Variants in MLLT3 observed in about 807,000 individuals in gnomAD.
The protein encoded by MLLT3 is protein AF-9.
A neutral mutation model predicts 53.2 loss-of-function variants in MLLT3; 4 were observed. That is an observed-to-expected ratio of 0.08 (90% CI 0.04 to 0.17). The LOEUF (loss-of-function observed/expected upper bound fraction) is 0.17, where lower values mean the gene tolerates loss of function less well. Among genes scored for constraint, MLLT3 ranks in the 10% least tolerant of loss-of-function variants. MLLT3 has a pLI of 1.00. For synonymous variants in MLLT3, 283 were observed against 230.6 expected (o/e 1.23, Z -2.06); for missense variants, 569 against 684.0 (o/e 0.83, Z 1.87).
chr9:20,505,711 G>C (rs573220869), intron 2 of MLLT3, among the ~76,000 whole-genome samples: 1 of 152,296 alleles, frequency 6.6e-6, no homozygotes, highest in African/African-American at 2.4e-5. Context: ...CTGTTACAAA[G>C]AAGTGGGCTT....
At chr9:20,592,534 T>C (rs10964630) in intron 2 of MLLT3, among the ~76,000 whole-genome samples, 61,670 of 152,084 alleles carry the variant, frequency 0.41, 13,189 homozygotes, top group Middle Eastern at 0.49. Context: ...CCTACCCCAA[T>C]GACCTCATTT....
chr9:20,556,620 T>C (rs542361865), intron 2 of MLLT3, among the ~76,000 whole-genome samples: 269 of 151,908 alleles, frequency 1.8e-3, no homozygotes, highest in African/African-American at 6.3e-3. Flanking sequence ...GAGTAGGAGG[T>C]TGCAGTGATC....
chr9:20,579,998 G>C (rs1819751467), intron 2 of MLLT3, among the ~76,000 whole-genome samples: 4 of 152,142 alleles, frequency 2.6e-5, no homozygotes, highest in Admixed American at 2.6e-4. Context: ...GGAGCAGTGA[G>C]GTCCTATCCC....
chr9:20,463,288 G>A (rs76076288), intron 2 of MLLT3, among the ~76,000 whole-genome samples: 7,726 of 151,236 alleles, frequency 0.051, 268 homozygotes, highest in Middle Eastern at 0.11. Context: ...GGGTGGGGGG[G>A]AGGAGAAATT....
chr9:20,550,161 T>A (rs1021334679), intron 2 of MLLT3, among the ~76,000 whole-genome samples: 1 of 152,122 alleles, frequency 6.6e-6, no homozygotes, highest in Non-Finnish European at 1.5e-5. Flanking sequence ...CGTAACAAGG[T>A]TGATAATGAA....
intron 2 of MLLT3, among the ~76,000 whole-genome samples, chr9:20,618,922 G>A (rs995706713): frequency 3.3e-5 from 5 of 152,120 alleles, no homozygotes; most frequent in Non-Finnish European, 5.9e-5. Flanking sequence ...TCTGCCAACT[G>A]AGTTAATTTT....
At position 20,344,736 on chromosome 9, in the gene MLLT3, G is replaced by A; in HGVS notation, c.*1707C>T. On this transcript the variant is annotated 3_prime_UTR_variant, in exon 11 of 11. Transcript: ENST00000380338. The stretch of plus-strand genomic sequence containing the variant: ...GTGTAAAAAATCCCCTTTTTAAAAT[G>A]CAGAAATAACTCCATTATCAATCTG... 1 of 206,142 alleles carries A rather than the reference G, an allele frequency of 4.9e-6. No homozygotes were observed. The highest frequency in any genetic ancestry group is 7.4e-5 in the East Asian group (1 of 13,582). 12.8% of individuals were successfully genotyped at this position (206,142 alleles called of 1,614,324 possible). A position where few individuals can be genotyped will look rare whatever the true frequency, so the allele number is the denominator to read the frequency against.
intron 8 of MLLT3, among the ~76,000 whole-genome samples, chr9:20,355,461 T>G: frequency 6.6e-6 from 1 of 152,232 alleles, no homozygotes; most frequent in East Asian, 1.9e-4. Flanking sequence ...GCCAAGTGCT[T>G]TTCCTTTTAT....
intron 2 of MLLT3, among the ~76,000 whole-genome samples, chr9:20,615,251 G>A (rs1820798775): frequency 6.6e-6 from 1 of 150,960 alleles, no homozygotes; most frequent in Non-Finnish European, 1.5e-5. Flanking sequence ...TTTGGGAAAT[G>A]GCTTGAGACC....
At chr9:20,398,458 T>G (rs1489207074) in intron 5 of MLLT3, among the ~76,000 whole-genome samples, 1 of 152,158 alleles carries the variant, frequency 6.6e-6, no homozygotes, top group African/African-American at 2.4e-5. Flanking sequence ...CTTATTAATT[T>G]AAAGCTATTC....
intron 8 of MLLT3, among the ~76,000 whole-genome samples, chr9:20,357,979 GCGCACACACACACACACACA>G (rs1821212376): frequency 7.3e-6 from 1 of 137,778 alleles, no homozygotes; most frequent in African/African-American, 2.8e-5. Context: ...CCTCCCTCCT[GCGCACACACACACACACACA>G]CACACACACA....
intron 2 of MLLT3, among the ~76,000 whole-genome samples, chr9:20,523,805 C>CA (rs1046697102): frequency 6.6e-5 from 10 of 151,478 alleles, no homozygotes; most frequent in African/African-American, 1.5e-4. Context: ...CCCATCTCTA[C>CA]AAAAAAAATA....
At chr9:20,483,353 T>C (rs1328381478) in intron 2 of MLLT3, among the ~76,000 whole-genome samples, 2 of 151,848 alleles carry the variant, frequency 1.3e-5, no homozygotes, top group Non-Finnish European at 2.9e-5. Flanking sequence ...ATCTCCCATC[T>C]CAGCCTCGCA....
At chr9:20,562,142 T>G (rs1214254844) in intron 2 of MLLT3, among the ~76,000 whole-genome samples, 2 of 152,170 alleles carry the variant, frequency 1.3e-5, no homozygotes, top group African/African-American at 4.8e-5. Context: ...ACATTTACCA[T>G]GTAATGCAAG....
chr9:20,532,924 G>A, intron 2 of MLLT3: 1 of 257,892 alleles, frequency 3.9e-6, no homozygotes, highest in Admixed American at 5.1e-5. Context: ...AAAGCTCCCA[G>A]CAAAGGGCAC....
chr9:20,590,944 C>A (rs1189397631), intron 2 of MLLT3, among the ~76,000 whole-genome samples: 1 of 151,546 alleles, frequency 6.6e-6, no homozygotes, highest in Non-Finnish European at 1.5e-5. Context: ...GAGATGGGGT[C>A]TTCCTACATT....
chr9:20,401,140 A>G (rs1375222885), intron 5 of MLLT3, among the ~76,000 whole-genome samples: 1 of 152,180 alleles, frequency 6.6e-6, no homozygotes, highest in Non-Finnish European at 1.5e-5. Flanking sequence ...GAGGGAAAAG[A>G]AATAATTTTC....
intron 2 of MLLT3, among the ~76,000 whole-genome samples, chr9:20,528,142 C>T (rs1193824739): frequency 1.3e-5 from 2 of 152,206 alleles, no homozygotes; most frequent in Non-Finnish European, 2.9e-5. Context: ...ATCTAATGAG[C>T]ATCTAATTGA....
chr9:20,354,865 T>A lies in MLLT3; in HGVS notation c.1446A>T (p.Lys482Asn). 1 of 1,612,186 alleles carries A rather than the reference T, an allele frequency of 6.2e-7. No homozygotes were observed. Among genetic ancestry groups the A allele is most frequent in the Non-Finnish European group, 8.5e-7 (1 of 1,178,522 alleles). The change falls in exon 9 of 11, where the codon AAA (lysine) becomes AAT (asparagine). Residue 482 changes from lysine (K) to asparagine (N), a missense_variant. Transcript: ENST00000380338. Reference sequence around the variant, plus strand: ...CTGATTTGCTTTGCTTTATTGGACTTTTCACTTCAAGAATCTAGGGATCAA... The same window carrying A: ...CTGATTTGCTTTGCTTTATTGGACTATTCACTTCAAGAATCTAGGGATCAA... Reference protein sequence around the residue: ...KTNNNQILEVKSPIKQSKSDK... With the variant: ...KTNNNQILEVNSPIKQSKSDK...
Sources: gnomAD v4.1 joint callset for allele counts (sites outside exome capture counted in the v4.1 genomes callset) on GRCh38, gnomAD v4.1.1 for gene constraint, MANE v1.5 for transcripts, NCBI Gene and HGNC (gene_info 2026-07-23, HGNC 2026-07-21) for gene names.